ZFYVE1: variants seen among roughly 807,000 people sequenced by gnomAD.
ZFYVE1 encodes the protein zinc finger FYVE-type containing 1, also known as zinc finger FYVE domain-containing protein 1.
ZFYVE1 carries 30 observed loss-of-function variants against 74.4 expected under a neutral mutation model. That is an observed-to-expected ratio of 0.40 (90% CI 0.30 to 0.55). The LOEUF is 0.55. Among genes scored for constraint, ZFYVE1 ranks in the 20% least tolerant of loss-of-function variants. ZFYVE1 has a pLI of 0.42. For synonymous variants in ZFYVE1, 335 were observed against 385.1 expected (o/e 0.87, Z 1.52); for missense variants, 703 against 1,011.6 (o/e 0.69, Z 4.14).
intron 2 of ZFYVE1, among the ~76,000 whole-genome samples, chr14:73,011,405 T>A (rs1894089053): frequency 6.6e-6 from 1 of 152,090 alleles, no homozygotes; most frequent in African/African-American, 2.4e-5. Context: ...AAGGACGGCT[T>A]GAGCCAGGGA....
intron 2 of ZFYVE1, among the ~76,000 whole-genome samples, chr14:73,005,769 C>G (rs1047206856): frequency 3.9e-5 from 6 of 152,194 alleles, no homozygotes; most frequent in African/African-American, 1.2e-4. Flanking sequence ...ACTGGGAAAA[C>G]ACCCAGGTGC....
At chr14:73,002,773 G>C (rs566797617) in intron 2 of ZFYVE1, among the ~76,000 whole-genome samples, 50 of 145,274 alleles carry the variant, frequency 3.4e-4, no homozygotes, top group African/African-American at 1.2e-3. Context: ...ACAGAGTCTA[G>C]CTCTGTCGCC....
chr14:72,978,272 TTTTG>T (rs547084261), intron 6 of ZFYVE1, 38 bp from the exon 7 acceptor site: 2 of 1,601,084 alleles, frequency 1.2e-6, no homozygotes, highest in South Asian at 1.1e-5. Flanking sequence ...ATTGTTTGTT[TTTTG>T]TTTGTTTTTT....
At chr14:73,009,160 G>A (rs1894038519) in intron 2 of ZFYVE1, among the ~76,000 whole-genome samples, 1 of 152,136 alleles carries the variant, frequency 6.6e-6, no homozygotes, top group Non-Finnish European at 1.5e-5. Flanking sequence ...GGGAGGGAAT[G>A]GTATAGTATC....
At chr14:73,013,991 G>A (rs1894142329) in intron 2 of ZFYVE1, among the ~76,000 whole-genome samples, 1 of 152,140 alleles carries the variant, frequency 6.6e-6, no homozygotes, top group Non-Finnish European at 1.5e-5. Context: ...GGAAAACACT[G>A]AAGGTCAAAT....
chr14:73,019,054 T>C (rs555564778), intron 2 of ZFYVE1, among the ~76,000 whole-genome samples: 1 of 152,272 alleles, frequency 6.6e-6, no homozygotes, highest in East Asian at 1.9e-4. Flanking sequence ...ACAGGTGACT[T>C]TCTACTTCTG....
At chr14:73,019,984 C>T (rs1198486092) in intron 2 of ZFYVE1, among the ~76,000 whole-genome samples, 1 of 151,794 alleles carries the variant, frequency 6.6e-6, no homozygotes, top group South Asian at 2.1e-4. Context: ...ATGTCGGGCG[C>T]AGTGGCTCAC....
intron 2 of ZFYVE1, among the ~76,000 whole-genome samples, chr14:73,019,540 A>G (rs1894271578): frequency 6.6e-6 from 1 of 152,256 alleles, no homozygotes; most frequent in South Asian, 2.1e-4. Context: ...AAGTTCATCA[A>G]TAACACTTTG....
At chr14:72,999,713 T>C (rs1893828906) in intron 2 of ZFYVE1, among the ~76,000 whole-genome samples, 1 of 152,182 alleles carries the variant, frequency 6.6e-6, no homozygotes, top group Non-Finnish European at 1.5e-5. Flanking sequence ...GAGGATCACT[T>C]GAGCCCAGGA....
chr14:73,019,068 C>A (rs1567364822), intron 2 of ZFYVE1, among the ~76,000 whole-genome samples: 2 of 152,108 alleles, frequency 1.3e-5, no homozygotes, highest in Non-Finnish European at 2.9e-5. Flanking sequence ...ACTTCTGAGA[C>A]CAACAGTCAG....
At position 72,969,651 on chromosome 14, in the gene ZFYVE1, A is replaced by G; in HGVS notation, c.*1231T>C. On this transcript the variant is annotated 3_prime_UTR_variant, in exon 12 of 12. Transcript: ENST00000556143. ...CAACCCACCCACCAGTTCAGTTAAG[A>G]ATTATACTTTAATTCGTGTTTGGCC... The G allele has an allele frequency of 1.4e-6, 1 of 698,668 alleles. No individual in the cohort carries two copies. The highest frequency in any genetic ancestry group is 1.8e-5 in the African/African-American group (1 of 56,942). 43.3% of individuals were successfully genotyped at this position (698,668 alleles called of 1,614,324 possible). A position where few individuals can be genotyped will look rare whatever the true frequency, so the allele number is the denominator to read the frequency against.
chr14:73,022,713 CT>C (rs1387147667), intron 2 of ZFYVE1, among the ~76,000 whole-genome samples: 2 of 152,122 alleles, frequency 1.3e-5, no homozygotes, highest in African/African-American at 4.8e-5. Flanking sequence ...ATTACACTAC[CT>C]TCATTCAAAA....
chr14:73,019,242 G>A (rs1230186033), intron 2 of ZFYVE1, among the ~76,000 whole-genome samples: 1 of 152,142 alleles, frequency 6.6e-6, no homozygotes, highest in African/African-American at 2.4e-5. Flanking sequence ...CATAGAATTT[G>A]AGGAGACCAC....
intron 2 of ZFYVE1, among the ~76,000 whole-genome samples, chr14:73,002,820 C>G (rs944263910): frequency 6.0e-5 from 9 of 150,804 alleles, no homozygotes; most frequent in Admixed American, 6.0e-4. Context: ...CAGCTCACTG[C>G]AAGCTCCACC....
chr14:72,988,552 A>T (rs1369843268), intron 4 of ZFYVE1, among the ~76,000 whole-genome samples: 1 of 151,576 alleles, frequency 6.6e-6, no homozygotes, highest in Non-Finnish European at 1.5e-5. Flanking sequence ...CACACCTGTA[A>T]TCCCAACATT....
At chr14:73,003,900 C>G (rs558866665) in intron 2 of ZFYVE1, among the ~76,000 whole-genome samples, 4 of 152,104 alleles carry the variant, frequency 2.6e-5, no homozygotes, top group African/African-American at 4.8e-5. Context: ...CTCAGGACAC[C>G]GCCTGGCACA....
At chr14:72,981,136 T>C (rs1388178567) in intron 5 of ZFYVE1, among the ~76,000 whole-genome samples, 12 of 152,186 alleles carry the variant, frequency 7.9e-5, no homozygotes, top group Admixed American at 3.9e-4. Context: ...GCATACACAA[T>C]TGAAGTTTCG....
At chr14:72,976,499 A>G (rs1188906255) in intron 8 of ZFYVE1, among the ~76,000 whole-genome samples, 1 of 152,112 alleles carries the variant, frequency 6.6e-6, no homozygotes, top group Admixed American at 6.6e-5. Context: ...AAAATAAGGA[A>G]ATCGGCCGGG....
chr14:72,969,995 C>T lies in ZFYVE1; in HGVS notation c.*887G>A, dbSNP rs1892988379. ...ATAAGCAATGAAAATCCTAGTGCGACACTCAGAAGCAGATGGTGGGCTTGA... is the reference window on the plus strand; with the variant it reads ...ATAAGCAATGAAAATCCTAGTGCGATACTCAGAAGCAGATGGTGGGCTTGA... On this transcript the variant is annotated 3_prime_UTR_variant, in exon 12 of 12. Coordinates refer to ENST00000556143, the MANE Select transcript of ZFYVE1 (RefSeq NM_021260.4). The T allele has an allele frequency of 2.1e-6, 1 of 478,062 alleles. No individual in the cohort carries two copies. Among genetic ancestry groups the T allele is most frequent in the Non-Finnish European group, 3.7e-6 (1 of 270,820 alleles). 29.6% of individuals were successfully genotyped at this position (478,062 alleles called of 1,614,324 possible). A position where few individuals can be genotyped will look rare whatever the true frequency, so the allele number is the denominator to read the frequency against.
Sources: allele counts gnomAD v4.1 joint callset (sites outside exome capture counted in the v4.1 genomes callset), GRCh38; gene constraint gnomAD v4.1.1; transcripts MANE v1.5; gene names NCBI Gene and HGNC (gene_info 2026-07-23, HGNC 2026-07-21).